Variants in KPNA1 observed in about 807,000 individuals in gnomAD.
The protein encoded by KPNA1 is importin subunit alpha-5.
KPNA1 carries 10 observed loss-of-function variants against 70.5 expected under a neutral mutation model. That is an observed-to-expected ratio of 0.14 (90% confidence interval 0.09 to 0.24). KPNA1 has a LOEUF of 0.24. Ranked by LOEUF, KPNA1 falls within the 10% of genes least tolerant of loss-of-function variation. The pLI is 1.00. For missense variants in KPNA1, 397 were observed against 637.9 expected (o/e 0.62, Z 4.07); for synonymous variants, 192 against 221.9 (o/e 0.87, Z 1.20).
intron 2 of KPNA1, among the ~76,000 whole-genome samples, chr3:122,469,045 G>A (rs1224254678): frequency 6.6e-6 from 1 of 152,160 alleles, no homozygotes; most frequent in Non-Finnish European, 1.5e-5. Flanking sequence ...TAATGACTGA[G>A]AATTTCCCCC....
At chr3:122,452,690 GGAGGGAGA>G (rs1296491076) in intron 6 of KPNA1, among the ~76,000 whole-genome samples, 20 of 142,238 alleles carry the variant, frequency 1.4e-4, no homozygotes, top group African/African-American at 4.7e-4. Flanking sequence ...AAGGAGGGAG[GGAGGGAGA>G]GACGGAGAGA....
intron 2 of KPNA1, among the ~76,000 whole-genome samples, chr3:122,476,260 T>A (rs1036149034): frequency 6.6e-6 from 1 of 152,078 alleles, no homozygotes; most frequent in African/African-American, 2.4e-5. Context: ...AAACTGAACC[T>A]TTATCCCACA....
At chr3:122,470,333 C>A (rs4677954) in intron 2 of KPNA1, among the ~76,000 whole-genome samples, 57,028 of 151,674 alleles carry the variant, frequency 0.38, 11,151 homozygotes, top group East Asian at 0.54. Flanking sequence ...TAACACAGTG[C>A]AACCCCATCT....
intron 2 of KPNA1, among the ~76,000 whole-genome samples, chr3:122,493,354 GA>G (rs77958342): frequency 0.25 from 32,871 of 133,956 alleles, 3,927 homozygotes; most frequent in Non-Finnish European, 0.29. Context: ...AAAGGGACAA[GA>G]AAAAAAAAAA....
At chr3:122,468,383 G>C (rs2076404884) in intron 2 of KPNA1, among the ~76,000 whole-genome samples, 1 of 152,158 alleles carries the variant, frequency 6.6e-6, no homozygotes, top group African/African-American at 2.4e-5. Flanking sequence ...TTCTCTCTGA[G>C]ATTTAACTTA....
chr3:122,513,392 C>T (rs1398765960), intron 1 of KPNA1, among the ~76,000 whole-genome samples: 1 of 152,168 alleles, frequency 6.6e-6, no homozygotes, highest in African/African-American at 2.4e-5. Flanking sequence ...AGTAAAAATA[C>T]AACAGAACTC....
At chr3:122,437,083 A>G in intron 11 of KPNA1, 87 bp downstream of exon 11, 1 of 1,432,464 alleles carries the variant, frequency 7.0e-7, no homozygotes, top group Non-Finnish European at 9.6e-7. Flanking sequence ...CCCAGCCAAA[A>G]ACAAATGTGT....
chr3:122,471,732 T>C (rs1256626880), intron 2 of KPNA1, among the ~76,000 whole-genome samples: 7 of 151,952 alleles, frequency 4.6e-5, no homozygotes, highest in African/African-American at 9.7e-5. Context: ...GAGACAGAGA[T>C]TGCATTGAGC....
At position 122,461,216 on chromosome 3, in the gene KPNA1, A is replaced by G; in HGVS notation, c.432+8T>C. 6.4e-7 allele frequency: 1 copy of G among 1,551,672 alleles called. No homozygotes were observed. The highest frequency in any genetic ancestry group is 1.4e-5 in the African/African-American group (1 of 72,746). On this transcript the variant is annotated splice_region_variant and intron_variant, in intron 5 of 13. Transcript: ENST00000344337. The stretch of plus-strand genomic sequence containing the variant: ...AGTTATGAGGCAATAAATAAAAATT[A>G]TTCGCACCTGCAGTGTACAATTCTC...
At chr3:122,498,723 T>C (rs1251091488) in intron 1 of KPNA1, among the ~76,000 whole-genome samples, 1 of 152,156 alleles carries the variant, frequency 6.6e-6, no homozygotes, top group Non-Finnish European at 1.5e-5. Flanking sequence ...TCAAGATTGT[T>C]TTGGCTATAA....
chr3:122,488,924 T>G (rs953223211), intron 2 of KPNA1, among the ~76,000 whole-genome samples: 4 of 152,220 alleles, frequency 2.6e-5, no homozygotes, highest in Non-Finnish European at 5.9e-5. Context: ...TTCTTCATTA[T>G]AAAAGGTTTT....
intron 1 of KPNA1, among the ~76,000 whole-genome samples, chr3:122,508,438 G>A (rs1161861714): frequency 6.6e-6 from 1 of 152,120 alleles, no homozygotes; most frequent in African/African-American, 2.4e-5. Context: ...GCCATCACAT[G>A]CCCAGATTTC....
intron 1 of KPNA1, among the ~76,000 whole-genome samples, chr3:122,508,984 G>A (rs1481998112): frequency 6.6e-6 from 1 of 152,124 alleles, no homozygotes; most frequent in Non-Finnish European, 1.5e-5. Context: ...GGTAGCTCAC[G>A]CCTGTAATCC....
At chr3:122,479,110 G>A (rs371627034) in intron 2 of KPNA1, among the ~76,000 whole-genome samples, 9 of 152,102 alleles carry the variant, frequency 5.9e-5, no homozygotes, top group African/African-American at 2.2e-4. Flanking sequence ...CACAGACTGG[G>A]AAGAAATATC....
intron 2 of KPNA1, among the ~76,000 whole-genome samples, chr3:122,494,210 G>C (rs1207659175): frequency 6.6e-6 from 1 of 151,924 alleles, no homozygotes; most frequent in South Asian, 2.1e-4. Flanking sequence ...TAAATTCTTT[G>C]CTTAGACCAA....
chr3:122,478,894 CA>C (rs57843662), intron 2 of KPNA1, among the ~76,000 whole-genome samples: 86 of 18,690 alleles, frequency 4.6e-3, no homozygotes, highest in African/African-American at 4.6e-3. Flanking sequence ...AACCTCGTCT[CA>C]AAAAAAAAAA....
At chr3:122,504,231 G>GA (rs2076862925) in intron 1 of KPNA1, among the ~76,000 whole-genome samples, 1 of 152,144 alleles carries the variant, frequency 6.6e-6, no homozygotes, top group Admixed American at 6.5e-5. Flanking sequence ...CTAGAGGCTG[G>GA]AAAGTCCAAA....
chr3:122,501,271 C>A (rs1181729373), intron 1 of KPNA1, among the ~76,000 whole-genome samples: 1 of 152,044 alleles, frequency 6.6e-6, no homozygotes, highest in Non-Finnish European at 1.5e-5. Context: ...AGTGATCCAC[C>A]CACCTCCGCG....
intron 1 of KPNA1, among the ~76,000 whole-genome samples, chr3:122,500,689 A>G (rs1015653595): frequency 2.0e-5 from 3 of 152,044 alleles, no homozygotes; most frequent in African/African-American, 7.2e-5. Context: ...CTAGGGGGAT[A>G]GAGATAGGGT....
Sources: allele counts gnomAD v4.1 joint callset (sites outside exome capture counted in the v4.1 genomes callset), GRCh38; gene constraint gnomAD v4.1.1; transcripts MANE v1.5; gene names NCBI Gene and HGNC (gene_info 2026-07-23, HGNC 2026-07-21).